NHSL2: variants seen among roughly 807,000 people sequenced by gnomAD.
The protein encoded by NHSL2 is NHS like 2, also known as NHS-like protein 2.
In NHSL2, 27 loss-of-function variants were observed where a neutral mutation model predicts 53.4. That is an observed-to-expected ratio of 0.51 (90% confidence interval 0.37 to 0.70). NHSL2 has a LOEUF of 0.70. NHSL2 is among the 30% of genes least tolerant of loss of function. The pLI is 0.00. For missense variants in NHSL2, 892 were observed against 980.1 expected, an observed-to-expected ratio of 0.91 and a Z score of 1.20; for synonymous variants, 408 against 404.1, an observed-to-expected ratio of 1.01 and a Z score of -0.12.
At chrX:72,075,536 A>G (rs149776554) in intron 1 of NHSL2, among the ~76,000 whole-genome samples, 165 of 112,044 alleles carry the variant, frequency 1.5e-3, no homozygotes, top group African/African-American at 5.3e-3. Context: ...CATCAAGAAA[A>G]TGTTGTGGGT....
chrX:72,134,237 C>T lies in NHSL2; in HGVS notation c.564+19C>T, dbSNP rs1049271515. 5.2e-6 allele frequency: 6 copies of T among 1,158,568 alleles called. No individual in the cohort carries two copies. The highest frequency in any genetic ancestry group is 2.6e-5 in the Admixed American group (1 of 38,187). On this transcript the variant is annotated intron_variant, in intron 3 of 7. Transcript: ENST00000633930. ...ATTGATGGTGAGTTGCCTCATCCCC[C>T]ACCTGGGAGAGCCAGCATGCACCCA...
intron 1 of NHSL2, among the ~76,000 whole-genome samples, chrX:72,111,646 G>A (rs2042094430): frequency 1.8e-5 from 2 of 112,115 alleles, no homozygotes; most frequent in African/African-American, 6.5e-5. Context: ...CAGTTCTGTA[G>A]TAGCATTTTA....
At chrX:71,933,100 C>T (rs2041721454) in intron 1 of NHSL2, among the ~76,000 whole-genome samples, 1 of 112,247 alleles carries the variant, frequency 8.9e-6, no homozygotes, top group South Asian at 3.7e-4. Flanking sequence ...CTCCTTTTTA[C>T]AGAATTCATC....
chrX:72,113,912 C>T (rs2042114122), intron 1 of NHSL2, among the ~76,000 whole-genome samples: 1 of 112,153 alleles, frequency 8.9e-6, no homozygotes, highest in Non-Finnish European at 1.9e-5. Flanking sequence ...CCTCAGTTTC[C>T]ACATCTCTTC....
chrX:72,079,228 A>T (rs2041769458), intron 1 of NHSL2, among the ~76,000 whole-genome samples: 1 of 112,852 alleles, frequency 8.9e-6, no homozygotes. Context: ...GTCCTTCCAA[A>T]CAAAGAGAAA....
intron 1 of NHSL2, among the ~76,000 whole-genome samples, chrX:72,079,197 C>T (rs757535623): frequency 8.9e-6 from 1 of 112,708 alleles, no homozygotes; most frequent in African/African-American, 3.2e-5. Flanking sequence ...CTCCCACATG[C>T]GATTTGTTTC....
At chrX:71,941,700 A>G (rs768213557) in intron 1 of NHSL2, among the ~76,000 whole-genome samples, 1 of 112,521 alleles carries the variant, frequency 8.9e-6, no homozygotes, top group South Asian at 3.7e-4. Context: ...TGATTATTTT[A>G]CTATGAAAGC....
Position 72,139,558 on chromosome X carries a change from G to C in NHSL2, c.2010G>C (p.Gln670His). 1.2e-5 allele frequency: 15 copies of C among 1,210,977 alleles called. No homozygotes were observed. The highest frequency in any genetic ancestry group is 1.7e-5 in the Non-Finnish European group (15 of 895,038). The change falls in exon 6 of 8, where the codon CAG becomes CAC. Residue 670 changes from glutamine (Q) to histidine (H), a missense_variant. Transcript: ENST00000633930. ...CAGTCATTGAGTGCACCCAAGTTCA[G>C]GGCAGCTCAGAGTCTCTTGCCTCAC... is the stretch of plus-strand genomic sequence containing the variant. ...GTTVIECTQV[Q>H]GSSESLASPS...
At chrX:71,983,237 T>G (rs1266429604) in intron 1 of NHSL2, among the ~76,000 whole-genome samples, 1 of 111,467 alleles carries the variant, frequency 9.0e-6, no homozygotes, top group African/African-American at 3.3e-5. Flanking sequence ...GGTATACAAC[T>G]CTGTGAATAT....
rs2042463187 is a variant in NHSL2, at chrX:72,146,292, T to C, written c.*2718T>C. ...TCACTAATTAACAGAACACAAAGCA[T>C]CTTCCCCACTCCTAACACTCAACCT... On this transcript the variant is annotated 3_prime_UTR_variant, in exon 8 of 8. Transcript: ENST00000633930. 1 of 111,278 alleles carries C rather than the reference T, an allele frequency of 9.0e-6. No homozygotes were observed. Among genetic ancestry groups the C allele is most frequent in the Non-Finnish European group, 1.9e-5 (1 of 53,074 alleles). The allele number at this position is 111,278 out of a possible 1,213,427, so 9.2% of individuals were successfully genotyped here.
intron 1 of NHSL2, among the ~76,000 whole-genome samples, chrX:72,098,460 A>G (rs1319288198): frequency 9.1e-6 from 1 of 109,951 alleles, no homozygotes; most frequent in Non-Finnish European, 1.9e-5. Flanking sequence ...GGGCGCCTGT[A>G]GTCCCAGCTA....
chrX:72,097,252 A>C (rs2041950866), intron 1 of NHSL2, among the ~76,000 whole-genome samples: 1 of 112,061 alleles, frequency 8.9e-6, no homozygotes, highest in African/African-American at 3.2e-5. Context: ...AGACAAACTT[A>C]AGTTTCATAA....
chrX:71,934,112 T>A (rs1350350764), intron 1 of NHSL2, among the ~76,000 whole-genome samples: 1 of 111,646 alleles, frequency 9.0e-6, no homozygotes, highest in Non-Finnish European at 1.9e-5. Flanking sequence ...TTCTTTGTAT[T>A]CCAGTTCTCC....
chrX:71,991,089 T>A (rs1183678195), intron 1 of NHSL2, among the ~76,000 whole-genome samples: 3 of 112,880 alleles, frequency 2.7e-5, no homozygotes, highest in Admixed American at 9.3e-5. Context: ...TGGGTGACCT[T>A]GAATAAGTCC....
At chrX:72,046,865 T>C (rs770542702) in intron 1 of NHSL2, among the ~76,000 whole-genome samples, 1 of 111,203 alleles carries the variant, frequency 9.0e-6, no homozygotes, top group East Asian at 2.8e-4. Context: ...CTTGTAAGTC[T>C]TTTTTCATTT....
At position 72,146,069 on chromosome X, in the gene NHSL2, A is replaced by C. The variant is rs754701851; in HGVS notation, c.*2495A>C. 8.9e-6 allele frequency: 1 copy of C among 112,386 alleles called. No individual in the cohort carries two copies. The highest frequency in any genetic ancestry group is 1.9e-5 in the Non-Finnish European group (1 of 53,256). The allele number at this position is 112,386 out of a possible 1,213,427, so 9.3% of individuals were successfully genotyped here. A position where few individuals can be genotyped will look rare whatever the true frequency, so the allele number is the denominator to read the frequency against. On this transcript the variant is annotated 3_prime_UTR_variant, in exon 8 of 8. Transcript: ENST00000633930. ...ACCGGAAGTATTCATTTAATTTTTTAAATTAATTTTTTGTAAAGATGGGGG... is the reference window on the plus strand; with the variant it reads ...ACCGGAAGTATTCATTTAATTTTTTCAATTAATTTTTTGTAAAGATGGGGG...
chrX:71,954,764 C>T (rs1394166711), intron 1 of NHSL2, among the ~76,000 whole-genome samples: 1 of 112,164 alleles, frequency 8.9e-6, no homozygotes, highest in Non-Finnish European at 1.9e-5. Context: ...CATGTGCCTT[C>T]TCTGGAAATC....
chrX:72,022,102 G>A (rs1016061043), intron 1 of NHSL2, among the ~76,000 whole-genome samples: 1 of 111,941 alleles, frequency 8.9e-6, no homozygotes, highest in Non-Finnish European at 1.9e-5. Flanking sequence ...CAAGAGCATA[G>A]GTTCTCACCC....
chrX:71,965,309 C>A (rs1411885409), intron 1 of NHSL2, among the ~76,000 whole-genome samples: 2 of 112,443 alleles, frequency 1.8e-5, no homozygotes, highest in Admixed American at 9.4e-5. Flanking sequence ...AAGTCAATGT[C>A]TAGATCTATT....
Sources: gnomAD v4.1 joint callset for allele counts (sites outside exome capture counted in the v4.1 genomes callset) on GRCh38, gnomAD v4.1.1 for gene constraint, MANE v1.5 for transcripts, NCBI Gene and HGNC (gene_info 2026-07-23, HGNC 2026-07-21) for gene names.